The following BMPR2 variants were observed in gnomAD, a reference collection of about 807,000 sequenced individuals.
BMPR2 encodes bone morphogenetic protein receptor type-2.
In BMPR2, 29 loss-of-function variants were observed where a neutral mutation model predicts 100.8. The ratio of observed to expected loss-of-function variants is 0.29; its 90% CI spans 0.21 to 0.39. The LOEUF is 0.39. Ranked by LOEUF, BMPR2 falls within the 10% of genes least tolerant of loss-of-function variation. The probability of loss-of-function intolerance (pLI) is 1.00; values close to 1 mark genes in which losing one functional copy is unlikely to be tolerated. For synonymous variants in BMPR2, 382 were observed against 442.3 expected, an observed-to-expected ratio of 0.86 and a Z score of 1.71; for missense variants, 1,011 against 1,274.5, an observed-to-expected ratio of 0.79 and a Z score of 3.15.
chr2:202,479,408 A>T (rs1692615948), intron 3 of BMPR2, among the ~76,000 whole-genome samples: 1 of 151,308 alleles, frequency 6.6e-6, no homozygotes, highest in Non-Finnish European at 1.5e-5. Context: ...CAGAGCACTT[A>T]TATAAACAGT....
intron 1 of BMPR2, among the ~76,000 whole-genome samples, chr2:202,434,933 A>ATATATATTTATT (rs1483284948): frequency 9.8e-5 from 8 of 82,034 alleles, no homozygotes; most frequent in East Asian, 7.3e-4. Flanking sequence ...ATATATATAT[A>ATATATATTTATT]TATTTATTTA....
At chr2:202,424,929 G>T (rs1196608258) in intron 1 of BMPR2, among the ~76,000 whole-genome samples, 1 of 151,670 alleles carries the variant, frequency 6.6e-6, no homozygotes, top group Non-Finnish European at 1.5e-5. Context: ...ACAACTTCAA[G>T]ACAAATTTTA....
chr2:202,532,204 G>A lies in BMPR2; in HGVS notation c.1129-381G>A, dbSNP rs913319747. On this transcript the variant is annotated intron_variant, in intron 8 of 12. Coordinates refer to ENST00000374580, the MANE Select transcript of BMPR2 (RefSeq NM_001204.7). The surrounding 1 kb of genome is among the most constrained non-coding windows in gnomAD (Gnocchi z 4.1). ...GATCCACCCGCCTTGGCCTCCCAAA[G>A]TGCTAGGATTACAGGCATGAGCCAC... is the stretch of plus-strand genomic sequence containing the variant. Among the ~76,000 whole-genome samples, 1 of 151,936 alleles carries A rather than the reference G, an allele frequency of 6.6e-6. No individual in the cohort carries two copies. The highest frequency in any genetic ancestry group is 2.4e-5 in the African/African-American group (1 of 41,356).
intron 3 of BMPR2, among the ~76,000 whole-genome samples, chr2:202,506,997 T>C (rs990484127): frequency 2.9e-4 from 43 of 149,350 alleles, no homozygotes; most frequent in African/African-American, 8.9e-4. Flanking sequence ...TGCTAGAGCC[T>C]GGGAGGCGAA....
At chr2:202,506,683 G>A (rs889868401) in intron 3 of BMPR2, among the ~76,000 whole-genome samples, 3 of 151,720 alleles carry the variant, frequency 2.0e-5, no homozygotes, top group Non-Finnish European at 2.9e-5. Flanking sequence ...GGTGGATTAC[G>A]AGGTCAGGAG....
intron 3 of BMPR2, among the ~76,000 whole-genome samples, chr2:202,491,806 T>A (rs1375087668): frequency 6.6e-6 from 1 of 152,162 alleles, no homozygotes; most frequent in East Asian, 1.9e-4. Context: ...GTCTGCTTCA[T>A]TTAAAATTCT....
chr2:202,553,133 A>G (rs113506672), intron 11 of BMPR2, among the ~76,000 whole-genome samples: 104 of 152,304 alleles, frequency 6.8e-4, no homozygotes, highest in Non-Finnish European at 1.1e-3. Flanking sequence ...GTCTTTCTCT[A>G]TTTATGGTCC....
intron 5 of BMPR2, among the ~76,000 whole-genome samples, chr2:202,517,085 T>TG (rs2106004889): frequency 6.6e-6 from 1 of 152,122 alleles, no homozygotes; most frequent in African/African-American, 2.4e-5. Context: ...CTGGGTATCA[T>TG]GGCACGCGCC....
intron 1 of BMPR2, among the ~76,000 whole-genome samples, chr2:202,416,334 A>C (rs1198658755): frequency 6.6e-6 from 1 of 151,292 alleles, no homozygotes; most frequent in Non-Finnish European, 1.5e-5. Context: ...GCGTGGTCAC[A>C]GCTCACTGCA....
chr2:202,559,187 G>A (rs1027915469), intron 12 of BMPR2, among the ~76,000 whole-genome samples: 4 of 150,992 alleles, frequency 2.6e-5, no homozygotes, highest in Admixed American at 1.3e-4. Context: ...CTGTAGTCCC[G>A]GCTACTTGAG....
chr2:202,486,156 T>C (rs2105977867), intron 3 of BMPR2, among the ~76,000 whole-genome samples: 1 of 152,258 alleles, frequency 6.6e-6, no homozygotes, highest in African/African-American at 2.4e-5. Context: ...GAGGAATGCT[T>C]GTCTTAAGAA....
intron 3 of BMPR2, among the ~76,000 whole-genome samples, chr2:202,477,610 A>C (rs1692575730): frequency 6.6e-6 from 1 of 152,158 alleles, no homozygotes; most frequent in Non-Finnish European, 1.5e-5. Flanking sequence ...CAATATGATG[A>C]AACCCACCTC....
intron 1 of BMPR2, among the ~76,000 whole-genome samples, chr2:202,434,908 A>AAAAAAATCTATATATAT: frequency 2.6e-5 from 1 of 38,414 alleles, no homozygotes; most frequent in Non-Finnish European, 4.4e-5. Context: ...AAAAAAAAAA[A>AAAAAAATCTATATATAT]ATATATATAT....
intron 3 of BMPR2, among the ~76,000 whole-genome samples, chr2:202,500,207 G>C (rs1175308470): frequency 6.6e-6 from 1 of 152,202 alleles, no homozygotes; most frequent in African/African-American, 2.4e-5. Flanking sequence ...AGCCTTCTCA[G>C]TGTTACTCTC....
At chr2:202,459,194 T>C (rs1692177656) in intron 1 of BMPR2, among the ~76,000 whole-genome samples, 2 of 152,220 alleles carry the variant, frequency 1.3e-5, no homozygotes, top group Non-Finnish European at 2.9e-5. Context: ...CACTCCTCTT[T>C]TTACCTACTT....
intron 3 of BMPR2, among the ~76,000 whole-genome samples, chr2:202,490,062 C>T (rs1324717573): frequency 1.3e-5 from 2 of 152,154 alleles, no homozygotes; most frequent in Non-Finnish European, 2.9e-5. Context: ...TTTACTCAAG[C>T]TTCTATCAAT....
At chr2:202,531,288 G>T (rs1004239457) in intron 8 of BMPR2, among the ~76,000 whole-genome samples, 1 of 152,168 alleles carries the variant, frequency 6.6e-6, no homozygotes, top group Non-Finnish European at 1.5e-5. Context: ...GGGTGACAGA[G>T]TGAGTGAGAC....
At chr2:202,504,419 TCA>T (rs548192093) in intron 3 of BMPR2, among the ~76,000 whole-genome samples, 102 of 151,072 alleles carry the variant, frequency 6.8e-4, no homozygotes, top group African/African-American at 2.4e-3. Context: ...GCTGTAACAC[TCA>T]CCGCGAAGGT....
intron 3 of BMPR2, among the ~76,000 whole-genome samples, chr2:202,488,921 A>T (rs1254478980): frequency 1.3e-5 from 2 of 151,772 alleles, no homozygotes; most frequent in Admixed American, 1.3e-4. Context: ...GGCAATTACC[A>T]TTCCACTTTG....
Sources: allele counts gnomAD v4.1 joint callset (sites outside exome capture counted in the v4.1 genomes callset), GRCh38; gene constraint gnomAD v4.1.1; non-coding constraint Gnocchi (gnomAD v3.1); transcripts MANE v1.5; gene names NCBI Gene and HGNC (gene_info 2026-07-23, HGNC 2026-07-21).